GRIA1: variants seen among roughly 807,000 people sequenced by gnomAD.
The protein encoded by GRIA1 is glutamate ionotropic receptor AMPA type subunit 1.
In GRIA1, 31 loss-of-function variants were observed where a neutral mutation model predicts 99.2. The observed-to-expected ratio is 0.31, with a 90% confidence interval of 0.23 to 0.42. The LOEUF (loss-of-function observed/expected upper bound fraction) is 0.42. GRIA1 is among the 10% of genes least tolerant of loss of function. GRIA1 has a pLI of 1.00. For synonymous variants in GRIA1, 438 were observed against 432.4 expected (o/e 1.01, Z -0.16); for missense variants, 782 against 1,157.5 (o/e 0.68, Z 4.71).
intron 2 of GRIA1, among the ~76,000 whole-genome samples, chr5:153,590,506 A>ATGTGTGTGTG (rs5872325): frequency 5.9e-4 from 88 of 147,946 alleles, no homozygotes; most frequent in Non-Finnish European, 9.1e-4. Flanking sequence ...AGCTATTGAA[A>ATGTGTGTGTG]TGTGTGTGTG....
In GRIA1 at chr5:153,677,126, G is replaced by C; in HGVS notation, c.994G>C (p.Gly332Arg). The change falls in exon 7 of 16, where the codon GGC becomes CGC. Residue 332 changes from glycine to arginine, a missense_variant. Gly to Arg is a moderately radical substitution (Grantham distance 125). This residue lies in a region of GRIA1 where 461 missense variants were observed against 521.7 expected (regional missense o/e 0.88). Transcript: ENST00000285900. ...DCLANPAVPW[G>R]QGIDIQRALQ... ...TCTGGCTAACCCAGCTGTTCCCTGG[G>C]GCCAAGGGATCGACATCCAGAGAGC... 1 of 1,559,986 alleles carries C rather than the reference G, an allele frequency of 6.4e-7. No individual in the cohort carries two copies.
chr5:153,490,525 T>C (rs902387274), upstream of GRIA1: 4 of 339,430 alleles, frequency 1.2e-5, no homozygotes, highest in African/African-American at 2.1e-5. Flanking sequence ...GGTATTAGCA[T>C]AGAGCTTGCT....
At chr5:153,684,714 T>G (rs13168229) in intron 7 of GRIA1, among the ~76,000 whole-genome samples, 1 of 152,014 alleles carries the variant, frequency 6.6e-6, no homozygotes, top group Admixed American at 6.5e-5. Context: ...GAAGGTGAAG[T>G]TGCTGATGGA....
At chr5:153,612,842 G>A (rs114474573) in intron 2 of GRIA1, among the ~76,000 whole-genome samples, 231 of 152,054 alleles carry the variant, frequency 1.5e-3, no homozygotes, top group African/African-American at 5.2e-3. Flanking sequence ...GGCAGTATTA[G>A]CATTATAAAG....
In GRIA1 at chr5:153,521,069, G is replaced by A. The variant is rs150939281; in HGVS notation, c.220+27004G>A. On this transcript the variant is annotated intron_variant, in intron 2 of 15. Transcript: ENST00000285900. Reference sequence around the variant, plus strand: ...TACCCCAGAATTCAAAAACAAATGAGGAAAACTCTGCGAGTCATGCTGATG... The same window carrying A: ...TACCCCAGAATTCAAAAACAAATGAAGAAAACTCTGCGAGTCATGCTGATG... Among the ~76,000 whole-genome samples, 39 of 152,260 alleles carry A rather than the reference G, an allele frequency of 2.6e-4. No homozygotes were observed. The East Asian group carries it at 7.0e-3, about 27-fold the overall frequency.
intron 13 of GRIA1, among the ~76,000 whole-genome samples, chr5:153,793,221 A>G (rs537781595): frequency 1.3e-5 from 2 of 152,352 alleles, no homozygotes; most frequent in African/African-American, 4.8e-5. Flanking sequence ...TCAACTGTCT[A>G]CATTCAGCAG....
intron 5 of GRIA1, among the ~76,000 whole-genome samples, chr5:153,671,584 A>G (rs1256835984): frequency 6.6e-6 from 1 of 152,204 alleles, no homozygotes; most frequent in Non-Finnish European, 1.5e-5. Context: ...GCTGTGGAAC[A>G]CGTTAAACTC....
At chr5:153,778,502 T>C (rs1445273465) in intron 13 of GRIA1, among the ~76,000 whole-genome samples, 1 of 152,058 alleles carries the variant, frequency 6.6e-6, no homozygotes, top group Middle Eastern at 3.2e-3. Flanking sequence ...GGAGGTAATA[T>C]TGTTTTCACC....
chr5:153,772,937 A>C (rs952204291), intron 13 of GRIA1, among the ~76,000 whole-genome samples: 1 of 152,184 alleles, frequency 6.6e-6, no homozygotes, highest in African/African-American at 2.4e-5. Flanking sequence ...TAATTTGTCC[A>C]ATCAATAGAG....
chr5:153,566,627 G>C (rs116786084), intron 2 of GRIA1, among the ~76,000 whole-genome samples: 2 of 148,630 alleles, frequency 1.3e-5, no homozygotes, highest in Non-Finnish European at 3.0e-5. Flanking sequence ...TTTTAATTTG[G>C]TTGTTTGTCT....
At chr5:153,579,896 C>CAAACA in intron 2 of GRIA1, among the ~76,000 whole-genome samples, 1 of 145,408 alleles carries the variant, frequency 6.9e-6, no homozygotes, top group South Asian at 2.3e-4. Context: ...AACAAACAAA[C>CAAACA]AAAAAAAAAA....
At chr5:153,768,547 G>C (rs544822930) in intron 12 of GRIA1, among the ~76,000 whole-genome samples, 1 of 152,068 alleles carries the variant, frequency 6.6e-6, no homozygotes, top group Non-Finnish European at 1.5e-5. Flanking sequence ...TAAAACTGAA[G>C]TTTTAATAGC....
chr5:153,723,625 G>C (rs13167926), intron 11 of GRIA1, among the ~76,000 whole-genome samples: 1 of 151,932 alleles, frequency 6.6e-6, no homozygotes, highest in Non-Finnish European at 1.5e-5. Context: ...CTACCCCCAC[G>C]GAGTCTCGCT....
In GRIA1 at chr5:153,723,435, C is replaced by T. The variant is rs10042195; in HGVS notation, c.1823+17368C>T. 4.0e-3 allele frequency among the ~76,000 whole-genome samples: 616 copies of T among 152,318 alleles called. 3 individuals are homozygous for T. The highest frequency in any genetic ancestry group is 0.014 in the African/African-American group (576 of 41,568). ...GCACCATGCACGAGCTGAAGCAGGG[C>T]GAGGCATTGCCTCACTCGGGAAACG... On this transcript the variant is annotated intron_variant, in intron 11 of 15. Transcript: ENST00000285900.
At chr5:153,773,626 C>T (rs746483327) in intron 13 of GRIA1, among the ~76,000 whole-genome samples, 1 of 152,276 alleles carries the variant, frequency 6.6e-6, no homozygotes, top group South Asian at 2.1e-4. Flanking sequence ...AAAACTAATT[C>T]TTTTGCATAC....
chr5:153,687,165 C>T (rs1024371216), intron 8 of GRIA1, among the ~76,000 whole-genome samples: 2 of 152,190 alleles, frequency 1.3e-5, no homozygotes, highest in African/African-American at 2.4e-5. Context: ...CTTCTCTGCT[C>T]ATGGCCTTCA....
At chr5:153,757,481 T>G (rs956212037) in intron 11 of GRIA1, among the ~76,000 whole-genome samples, 2 of 152,156 alleles carry the variant, frequency 1.3e-5, no homozygotes, top group East Asian at 3.8e-4. Flanking sequence ...CAAATAAGAC[T>G]ATCTCAGACA....
At chr5:153,631,762 A>G (rs1431834673) in intron 2 of GRIA1, among the ~76,000 whole-genome samples, 3 of 152,178 alleles carry the variant, frequency 2.0e-5, no homozygotes, top group Admixed American at 1.3e-4. Context: ...GAGGGCTTCA[A>G]CTGTAATTAA....
Position 153,705,693 on chromosome 5 carries a change from T to TTTC in GRIA1, c.1453-4_1453-3insTTC, listed in dbSNP as rs1554116390. On this transcript the variant is annotated splice_polypyrimidine_tract_variant and splice_region_variant and intron_variant, in intron 10 of 15. Transcript: ENST00000285900. Reference sequence around the variant, plus strand: ...TTTTTTTTTTTTTTTTTTTTTTTTTTCAGAGAGCAGATGTGGCTGTGGCTC... The same window carrying TTTC: ...TTTTTTTTTTTTTTTTTTTTTTTTTTTTCCAGAGAGCAGATGTGGCTGTGGCTC... 253 of 1,101,430 alleles carry TTTC rather than the reference T, an allele frequency of 2.3e-4. 11 individuals are homozygous for TTTC. In the East Asian group the frequency reaches 3.3e-3, roughly 15 times the overall value. The allele number at this position is 1,101,430 out of a possible 1,614,324, so 68.2% of individuals were successfully genotyped here. A position where few individuals can be genotyped will look rare whatever the true frequency, so the allele number is the denominator to read the frequency against.
Sources: gnomAD v4.1 joint callset for allele counts (sites outside exome capture counted in the v4.1 genomes callset) on GRCh38, gnomAD v4.1.1 for gene constraint, gnomAD v4.1.1 regional missense constraint, MANE v1.5 for transcripts, NCBI Gene and HGNC (gene_info 2026-07-23, HGNC 2026-07-21) for gene names.